PC: variants seen among roughly 807,000 people sequenced by gnomAD.
PC encodes pyruvate carboxylase.
In PC, 46 loss-of-function variants were observed where a neutral mutation model predicts 107.8. The observed-to-expected ratio is 0.43, with a 90% CI of 0.34 to 0.55. The LOEUF is 0.55. PC is among the 20% of genes least tolerant of loss of function. PC has a pLI of 0.04. For synonymous variants in PC, 662 were observed against 684.7 expected (o/e 0.97, Z 0.52); for missense variants, 1,241 against 1,643.1 (o/e 0.76, Z 4.23).
At chr11:66,937,771 GT>G (rs902592166) in intron 3 of PC, among the ~76,000 whole-genome samples, 1 of 146,754 alleles carries the variant, frequency 6.8e-6, no homozygotes, top group African/African-American at 2.6e-5. Flanking sequence ...GAATTTCTGG[GT>G]TTTTTTTGTT....
Position 66,853,995 on chromosome 11 carries a change from G to A in PC, c.1369-612C>T, listed in dbSNP as rs112618798. ...CCGGGCCTTTCCTTGTTCACCCCTC[G>A]CATAAGTTCAGCAAGTCCACGGCCA... is the stretch of plus-strand genomic sequence containing the variant. On this transcript the variant is annotated intron_variant, in intron 12 of 22. Transcript: ENST00000393960. Among the ~76,000 whole-genome samples the A allele has an allele frequency of 6.3e-3, 964 of 152,276 alleles. 6 individuals carry two copies. Among genetic ancestry groups the A allele is most frequent in the Non-Finnish European group, 8.8e-3 (600 of 68,010 alleles).
At chr11:66,898,953 C>T (rs1282917031) in intron 3 of PC, among the ~76,000 whole-genome samples, 1 of 152,150 alleles carries the variant, frequency 6.6e-6, no homozygotes, top group Non-Finnish European at 1.5e-5. Context: ...TCACCACAAC[C>T]TCTGCCTCCC....
rs775323907 is a variant in PC at position 66,850,965 on chromosome 11, G to A, written c.2224-42C>T. ...AGAGAGAGAGAGAGATGGTAGAGAG[G>A]GCAGGATGTGTGCCTGTGGGTGGCG... On this transcript the variant is annotated intron_variant, in intron 17 of 22. Transcript: ENST00000393960. 8 of 1,607,788 alleles carry A rather than the reference G, an allele frequency of 5.0e-6. No individual in the cohort carries two copies. The Admixed American group carries it at 5.0e-5, about 10-fold the overall frequency.
rs774882026 is a variant in PC, at chr11:66,851,905, G to A, written c.1867C>T (p.Pro623Ser). 1 of 1,614,064 alleles carries A rather than the reference G, an allele frequency of 6.2e-7. No homozygotes were observed. Among genetic ancestry groups the A allele is most frequent in the South Asian group, 1.1e-5 (1 of 91,084 alleles). The change falls in exon 16 of 23, where the codon CCC becomes TCC. Residue 623 changes from proline (P) to serine (S), a missense_variant. Physicochemically the swap from Pro to Ser is moderately conservative, Grantham distance 74 (BLOSUM62 -1). This residue lies in a region of PC where 1,143 missense variants were observed against 1,551.9 expected (regional missense o/e 0.74). Coordinates refer to ENST00000393960, the MANE Select transcript of PC (RefSeq NM_001040716.2). ...CGGAGCTCCTGCAGCCGCCGCCAGG[G>A]GCACTCATACAGGAAGCGCATGGCG... ...DVAMRFLYEC[P>S]WRRLQELREL...
chr11:66,922,216 CAAT>C (rs1948612448), intron 3 of PC, among the ~76,000 whole-genome samples: 2 of 152,170 alleles, frequency 1.3e-5, no homozygotes, highest in South Asian at 4.1e-4. Flanking sequence ...AACTTTCACT[CAAT>C]AAATAACTGC....
chr11:66,937,393 G>A (rs1949025180), intron 3 of PC, among the ~76,000 whole-genome samples: 1 of 152,172 alleles, frequency 6.6e-6, no homozygotes, highest in Non-Finnish European at 1.5e-5. Flanking sequence ...ATCTCTTGCT[G>A]CTTTCAAGAT....
At chr11:66,929,377 GT>G (rs1348817557) in intron 3 of PC, among the ~76,000 whole-genome samples, 2 of 151,722 alleles carry the variant, frequency 1.3e-5, no homozygotes, top group East Asian at 1.9e-4. Context: ...TTTTTGTTTT[GT>G]TTTTTTGAGA....
chr11:66,851,931 A>G lies in PC; in HGVS notation c.1841T>C (p.Val614Ala). 6.2e-7 allele frequency: 1 copy of G among 1,613,974 alleles called. No homozygotes were observed. The highest frequency in any genetic ancestry group is 1.1e-5 in the South Asian group (1 of 91,082). Residue 614 changes from valine to alanine, a missense_variant, in exon 16 of 23, where the codon GTC (valine) becomes GCC (alanine). This residue lies in a region of PC where 1,143 missense variants were observed against 1,551.9 expected (regional missense o/e 0.74). Transcript: ENST00000393960. ...GCACTCATACAGGAAGCGCATGGCGACGTCAAACGTGGCTCCTGCACAGGA... is the reference window on the plus strand; with the variant it reads ...GCACTCATACAGGAAGCGCATGGCGGCGTCAAACGTGGCTCCTGCACAGGA... ...MENWGGATFDVAMRFLYECPW... is the reference protein window; with the variant it reads ...MENWGGATFDAAMRFLYECPW...
At chr11:66,956,219 C>T (rs930806509) in intron 1 of PC, among the ~76,000 whole-genome samples, 2 of 152,210 alleles carry the variant, frequency 1.3e-5, no homozygotes, top group African/African-American at 4.8e-5. Context: ...TTACACCCAA[C>T]AGTGAAGCTG....
intron 21 of PC, 38 bp downstream of exon 21, chr11:66,849,573 G>A: frequency 6.2e-7 from 1 of 1,613,848 alleles, no homozygotes; most frequent in South Asian, 1.1e-5. Flanking sequence ...GGGGCAGGGG[G>A]CCAGGGTGGA....
chr11:66,921,105 TG>T (rs1183710582), intron 3 of PC, among the ~76,000 whole-genome samples: 1 of 151,884 alleles, frequency 6.6e-6, no homozygotes, highest in Non-Finnish European at 1.5e-5. Flanking sequence ...ACTTGGCCCT[TG>T]GCTCAACGGC....
In PC at chr11:66,870,201, A is replaced by C; in HGVS notation, c.903+101T>G. On this transcript the variant is annotated intron_variant, in intron 9 of 22. Coordinates refer to ENST00000393960, the MANE Select transcript of PC (RefSeq NM_001040716.2). This position sits in a 1 kb window ranked among gnomAD's most constrained non-coding sequence, Gnocchi z 6.1. ...TCTTCTCCCCATCCCCAGTCCCCAG[A>C]AGGGGACTCAGGGTCCCCTTCCCCA... The C allele has an allele frequency of 7.0e-7, 1 of 1,420,084 alleles. No individual in the cohort carries two copies. The highest frequency in any genetic ancestry group is 9.8e-7 in the Non-Finnish European group (1 of 1,020,134). The allele number at this position is 1,420,084 out of a possible 1,614,324, so 88.0% of individuals were successfully genotyped here.
intron 3 of PC, among the ~76,000 whole-genome samples, chr11:66,882,734 T>G (rs1947227063): frequency 6.6e-6 from 1 of 152,086 alleles, no homozygotes; most frequent in Non-Finnish European, 1.5e-5. Flanking sequence ...CACTCGGGGC[T>G]GCGGCGGTGG....
At position 66,853,347 on chromosome 11, in the gene PC, G is replaced by T; in HGVS notation, c.1405C>A (p.Gln469Lys). 1 of 1,614,140 alleles carries T rather than the reference G, an allele frequency of 6.2e-7. No homozygotes were observed. Among genetic ancestry groups the T allele is most frequent in the Non-Finnish European group, 8.5e-7 (1 of 1,180,006 alleles). Residue 469 changes from glutamine (Q) to lysine (K), a missense_variant, in exon 13 of 23, where the codon CAG becomes AAG. Physicochemically the swap from Gln to Lys is moderately conservative, Grantham distance 53. This residue lies in a region of PC where 1,143 missense variants were observed against 1,551.9 expected (regional missense o/e 0.74). Transcript: ENST00000393960. The part of the protein sequence containing the change: ...IAFLQNVLNN[Q>K]QFLAGTVDTQ... Reference sequence around the variant, plus strand: ...TCCACAGTGCCTGCCAGGAACTGCTGGTTGTTGAGCACATTCTGCAGGAAG... The same window carrying T: ...TCCACAGTGCCTGCCAGGAACTGCTTGTTGTTGAGCACATTCTGCAGGAAG...
chr11:66,930,000 G>C (rs746072071), intron 3 of PC, among the ~76,000 whole-genome samples: 1 of 151,838 alleles, frequency 6.6e-6, no homozygotes, highest in Non-Finnish European at 1.5e-5. Flanking sequence ...ACAGAAGCAC[G>C]GCCCAGAGCC....
In PC at chr11:66,870,411, C is replaced by G; in HGVS notation, c.794G>C (p.Cys265Ser). The G allele has an allele frequency of 1.9e-6, 3 of 1,613,696 alleles. No homozygotes were observed. The highest frequency in any genetic ancestry group is 2.5e-6 in the Non-Finnish European group (3 of 1,180,012). ...CTTCTGGTGCCGCCGCTGGATGGAG[C>G]AGTCTCGCTCGTACAGGTGCAGGAT... ...GNILHLYERD[C>S]SIQRRHQKVV... is the part of the protein sequence containing the mutation. Residue 265 changes from cysteine to serine, a missense_variant, in exon 9 of 23, where the codon TGC (cysteine) becomes TCC (serine). Transcript: ENST00000393960. This position sits in a 1 kb window ranked among gnomAD's most constrained non-coding sequence, Gnocchi z 6.1.
intron 3 of PC, among the ~76,000 whole-genome samples, chr11:66,882,386 C>A (rs1947216335): frequency 6.6e-6 from 1 of 152,224 alleles, no homozygotes; most frequent in Non-Finnish European, 1.5e-5. Context: ...CAGAGGGCAG[C>A]AGTGGGCAAG....
intron 9 of PC, among the ~76,000 whole-genome samples, chr11:66,869,870 G>C (rs1319412089): frequency 6.6e-6 from 1 of 152,254 alleles, no homozygotes; most frequent in African/African-American, 2.4e-5. Context: ...AGGGTGCAGA[G>C]CAAGGAAACA....
At chr11:66,887,417 A>G (rs958443639) in intron 3 of PC, among the ~76,000 whole-genome samples, 12 of 152,246 alleles carry the variant, frequency 7.9e-5, no homozygotes, top group Admixed American at 5.9e-4. Flanking sequence ...TCCTCAGAGA[A>G]ACAAGAAAAG....
Sources: allele counts gnomAD v4.1 joint callset (sites outside exome capture counted in the v4.1 genomes callset), GRCh38; gene constraint gnomAD v4.1.1; regional missense constraint gnomAD v4.1.1; non-coding constraint Gnocchi (gnomAD v3.1); transcripts MANE v1.5; gene names NCBI Gene and HGNC (gene_info 2026-07-23, HGNC 2026-07-21).